The following SHANK2 variants were observed in gnomAD, a reference collection of about 807,000 sequenced individuals.
The protein encoded by SHANK2 is SH3 and multiple ankyrin repeat domains 2.
In SHANK2, 43 loss-of-function variants were observed where a neutral mutation model predicts 133.7. The observed-to-expected ratio is 0.32, with a 90% CI of 0.25 to 0.41. The LOEUF (loss-of-function observed/expected upper bound fraction) is 0.41, where lower values mean the gene tolerates loss of function less well. Ranked by LOEUF, SHANK2 falls within the 10% of genes least tolerant of loss-of-function variation. The pLI is 1.00. For missense variants in SHANK2, 1,994 were observed against 2,235.8 expected, an observed-to-expected ratio of 0.89 and a Z score of 2.18; for synonymous variants, 1,017 against 952.8, an observed-to-expected ratio of 1.07 and a Z score of -1.24.
At chr11:70,680,208 G>A (rs1944997710) in intron 15 of SHANK2, among the ~76,000 whole-genome samples, 2 of 152,146 alleles carry the variant, frequency 1.3e-5, no homozygotes, top group African/African-American at 2.4e-5. Flanking sequence ...CTGTCAGAGC[G>A]GGTTCTCAAC....
chr11:70,766,978 A>C (rs1379621464), intron 14 of SHANK2, among the ~76,000 whole-genome samples: 6 of 152,216 alleles, frequency 3.9e-5, no homozygotes, highest in Non-Finnish European at 8.8e-5. Context: ...GGGAGATGTG[A>C]TGTCCACTCT....
intron 2 of SHANK2, among the ~76,000 whole-genome samples, chr11:71,200,882 A>G (rs975540808): frequency 6.7e-6 from 1 of 150,338 alleles, no homozygotes; most frequent in Non-Finnish European, 1.5e-5. Context: ...TCTTTATTTT[A>G]GTGACTGTCA....
chr11:71,216,891 C>A (rs1954424716), intron 2 of SHANK2, among the ~76,000 whole-genome samples: 1 of 152,112 alleles, frequency 6.6e-6, no homozygotes, highest in Non-Finnish European at 1.5e-5. Flanking sequence ...GAGTATATGC[C>A]TTCTACTTAT....
At chr11:70,879,321 G>T (rs1949620284) in intron 11 of SHANK2, among the ~76,000 whole-genome samples, 1 of 152,212 alleles carries the variant, frequency 6.6e-6, no homozygotes, top group Non-Finnish European at 1.5e-5. Flanking sequence ...TTTCCTCTGT[G>T]CAATTTAATT....
chr11:70,734,153 G>A (rs898529135), intron 14 of SHANK2, among the ~76,000 whole-genome samples: 17 of 152,194 alleles, frequency 1.1e-4, no homozygotes, highest in African/African-American at 3.9e-4. Context: ...GCAGAGCAGA[G>A]CCCGCGGGAG....
At chr11:71,211,984 C>T (rs1406783214) in intron 2 of SHANK2, among the ~76,000 whole-genome samples, 1 of 152,180 alleles carries the variant, frequency 6.6e-6, no homozygotes, top group East Asian at 1.9e-4. Context: ...GTGTTTTCAG[C>T]TTTCACTGAG....
At chr11:70,620,095 C>T (rs2060808878) in intron 17 of SHANK2, among the ~76,000 whole-genome samples, 1 of 152,160 alleles carries the variant, frequency 6.6e-6, no homozygotes. Flanking sequence ...CATGAGTCCC[C>T]ACCCTCTGAC....
chr11:71,215,115 C>G (rs1369318943), intron 2 of SHANK2, among the ~76,000 whole-genome samples: 1 of 152,208 alleles, frequency 6.6e-6, no homozygotes, highest in Non-Finnish European at 1.5e-5. Context: ...CAGGCATGCC[C>G]CGATGTGCGA....
intron 17 of SHANK2, among the ~76,000 whole-genome samples, chr11:70,521,643 TATGTGTGTGTGCACGTGAGC>T (rs1340661725): frequency 1.3e-5 from 2 of 152,236 alleles, no homozygotes; most frequent in Non-Finnish European, 2.9e-5. Flanking sequence ...TCTGTATGTG[TATGTGTGTGTGCACGTGAGC>T]ATGTGTGTGG....
intron 1 of SHANK2, among the ~76,000 whole-genome samples, chr11:71,248,822 G>T (rs1181371691): frequency 6.6e-6 from 1 of 152,082 alleles, no homozygotes; most frequent in Non-Finnish European, 1.5e-5. Flanking sequence ...CCCACGCTGG[G>T]TTGGGGACCC....
chr11:71,240,143 T>C (rs1454083261), intron 1 of SHANK2, among the ~76,000 whole-genome samples: 2 of 152,150 alleles, frequency 1.3e-5, no homozygotes, highest in Non-Finnish European at 1.5e-5. Context: ...ACGGGGTACT[T>C]GGAGGCTTGT....
chr11:70,549,994 G>A (rs2059744815), intron 17 of SHANK2, among the ~76,000 whole-genome samples: 1 of 152,106 alleles, frequency 6.6e-6, no homozygotes. Context: ...CCATGTGCAG[G>A]GCACTGCCCT....
intron 13 of SHANK2, among the ~76,000 whole-genome samples, chr11:70,802,538 G>A (rs941194790): frequency 6.6e-6 from 1 of 152,254 alleles, no homozygotes; most frequent in East Asian, 1.9e-4. Context: ...CCAACATGCT[G>A]GTTTCTAATG....
intron 17 of SHANK2, among the ~76,000 whole-genome samples, chr11:70,566,152 T>C (rs1554981877): frequency 6.6e-6 from 1 of 152,064 alleles, no homozygotes; most frequent in African/African-American, 2.4e-5. Flanking sequence ...GAGAACAGTA[T>C]GGGGGAGAAT....
At chr11:70,771,261 A>G (rs1468938762) in intron 14 of SHANK2, among the ~76,000 whole-genome samples, 4 of 152,160 alleles carry the variant, frequency 2.6e-5, no homozygotes, top group Non-Finnish European at 5.9e-5. Flanking sequence ...GCTTCTTGCC[A>G]TCTCAGCACA....
chr11:70,593,074 C>T (rs553438241), intron 17 of SHANK2, among the ~76,000 whole-genome samples: 20 of 152,318 alleles, frequency 1.3e-4, no homozygotes, highest in African/African-American at 4.1e-4. Flanking sequence ...CCCCATAGTT[C>T]GGGGAAGGCC....
chr11:70,491,020 T>A (rs1295658781), intron 22 of SHANK2, among the ~76,000 whole-genome samples: 1 of 152,160 alleles, frequency 6.6e-6, no homozygotes, highest in African/African-American at 2.4e-5. Context: ...CTTCAGCCTG[T>A]CCCAGGAGGA....
intron 2 of SHANK2, among the ~76,000 whole-genome samples, chr11:71,185,195 T>C (rs548875579): frequency 1.1e-4 from 17 of 152,316 alleles, no homozygotes; most frequent in African/African-American, 3.8e-4. Context: ...GTTATGGTTG[T>C]TGAAACTCAC....
chr11:70,491,622 G>A (rs78135384), intron 22 of SHANK2, among the ~76,000 whole-genome samples: 141 of 152,378 alleles, frequency 9.3e-4, no homozygotes, highest in Non-Finnish European at 1.8e-3. Flanking sequence ...AGAATACTAA[G>A]GTAAGCAATC....
Sources: allele counts gnomAD v4.1 joint callset (sites outside exome capture counted in the v4.1 genomes callset), GRCh38; gene constraint gnomAD v4.1.1; transcripts MANE v1.5; gene names NCBI Gene and HGNC (gene_info 2026-07-23, HGNC 2026-07-21).